Variants in GSK3B observed in about 807,000 individuals in gnomAD.
GSK3B encodes glycogen synthase kinase-3 beta.
A neutral mutation model predicts 56.4 loss-of-function variants in GSK3B; 15 were observed. The observed-to-expected ratio is 0.27, with a 90% CI of 0.18 to 0.41. GSK3B has a LOEUF of 0.41. GSK3B is among the 10% of genes least tolerant of loss of function. The probability of loss-of-function intolerance (pLI) is 1.00; values close to 1 mark genes in which losing one functional copy is unlikely to be tolerated. For missense variants in GSK3B, 300 were observed against 513.4 expected, an observed-to-expected ratio of 0.58 and a Z score of 4.02; for synonymous variants, 181 against 188.9, an observed-to-expected ratio of 0.96 and a Z score of 0.34.
At chr3:119,933,771 G>T (rs1033602228) in intron 3 of GSK3B, among the ~76,000 whole-genome samples, 2 of 152,184 alleles carry the variant, frequency 1.3e-5, no homozygotes, top group Non-Finnish European at 2.9e-5. Context: ...CAGCTATTTG[G>T]GAGGCCAAGG....
chr3:120,052,656 A>G (rs1215274775), intron 1 of GSK3B, among the ~76,000 whole-genome samples: 1 of 152,136 alleles, frequency 6.6e-6, no homozygotes, highest in Non-Finnish European at 1.5e-5. Flanking sequence ...TTCTCATTAC[A>G]CTCTCAGACA....
intron 9 of GSK3B, among the ~76,000 whole-genome samples, chr3:119,850,415 C>A (rs1577314625): frequency 6.6e-6 from 1 of 152,170 alleles, no homozygotes. Context: ...TCTGTTCAGT[C>A]TTCTCTACTT....
At chr3:119,829,745 C>G (rs1040005799) in intron 10 of GSK3B, among the ~76,000 whole-genome samples, 1 of 152,156 alleles carries the variant, frequency 6.6e-6, no homozygotes, top group Non-Finnish European at 1.5e-5. Context: ...AAAGCACAAG[C>G]CTTTTAAGTG....
intron 7 of GSK3B, among the ~76,000 whole-genome samples, chr3:119,894,843 T>C (rs983167672): frequency 3.3e-5 from 5 of 152,172 alleles, no homozygotes; most frequent in Admixed American, 2.0e-4. Context: ...TTTATATCTG[T>C]TTCCTTCTAA....
intron 10 of GSK3B, among the ~76,000 whole-genome samples, chr3:119,832,631 A>G (rs1450068623): frequency 6.6e-6 from 1 of 152,246 alleles, no homozygotes; most frequent in African/African-American, 2.4e-5. Context: ...AAAGGATTAT[A>G]TTAGATTTAA....
At position 119,863,220 on chromosome 3, in the gene GSK3B, G is replaced by A. The variant is rs571186594; in HGVS notation, c.1096+199C>T. Among the ~76,000 whole-genome samples the A allele has an allele frequency of 3.3e-5, 5 of 152,262 alleles. No individual in the cohort carries two copies. The East Asian group carries it at 9.6e-4, about 29-fold the overall frequency. ...AAAATTAAAGAAGCTATGTCTATTG[G>A]AAAACTTTTACGTGCTACTCTTCTG... On this transcript the variant is annotated intron_variant, in intron 9 of 10. Transcript: ENST00000264235.
At chr3:119,954,308 A>AAC (rs2057190595) in intron 2 of GSK3B, among the ~76,000 whole-genome samples, 3 of 125,154 alleles carry the variant, frequency 2.4e-5, no homozygotes, top group South Asian at 2.3e-4. Context: ...AGAATAGAAA[A>AAC]GAAACAGAAC....
intron 3 of GSK3B, among the ~76,000 whole-genome samples, 172 bp from the exon 4 acceptor site, chr3:119,923,655 A>G (rs2056865024): frequency 6.6e-6 from 1 of 152,250 alleles, no homozygotes; most frequent in African/African-American, 2.4e-5. Flanking sequence ...TAATAAAACA[A>G]GTCAACCACA....
chr3:120,041,267 T>C, intron 1 of GSK3B: 1 of 260,846 alleles, frequency 3.8e-6, no homozygotes, highest in East Asian at 1.0e-4. Context: ...TGGGCATCCC[T>C]GCAGCTAATT....
intron 8 of GSK3B, chr3:119,866,753 T>C: frequency 3.0e-6 from 2 of 655,946 alleles, no homozygotes; most frequent in Non-Finnish European, 5.4e-6. Context: ...ACATAGAAAA[T>C]GTTTATACAG....
chr3:119,942,052 C>T (rs1436819299), intron 3 of GSK3B, among the ~76,000 whole-genome samples: 1 of 152,166 alleles, frequency 6.6e-6, no homozygotes, highest in East Asian at 1.9e-4. Context: ...TGGATACAGG[C>T]CCCCATTACT....
At chr3:119,833,687 GTTGTTTTTTTTT>G (rs2055640034) in intron 10 of GSK3B, among the ~76,000 whole-genome samples, 1 of 133,448 alleles carries the variant, frequency 7.5e-6, no homozygotes, top group African/African-American at 2.9e-5. Flanking sequence ...GAAACATTAG[GTTGTTTTTTTTT>G]TTTTTTTTTT....
intron 7 of GSK3B, among the ~76,000 whole-genome samples, chr3:119,889,621 G>C (rs1309710815): frequency 6.6e-6 from 1 of 152,066 alleles, no homozygotes; most frequent in Non-Finnish European, 1.5e-5. Context: ...GGCAGTAAAA[G>C]AGGGGGAAAA....
At position 119,847,435 on chromosome 3, in the gene GSK3B, G is replaced by A. The variant is rs1036305122; in HGVS notation, c.1097-4082C>T. Among the ~76,000 whole-genome samples the A allele has an allele frequency of 3.9e-5, 6 of 152,044 alleles. 1 individual carries two copies. In the South Asian group the frequency reaches 1.0e-3, roughly 26 times the overall value. On this transcript the variant is annotated intron_variant, in intron 9 of 10. Coordinates refer to ENST00000264235, the MANE Select transcript of GSK3B (RefSeq NM_001146156.2). Reference sequence around the variant, plus strand: ...GCAGAGGTTGCAGTGAGCCAAGACCGTGCCATTGCACTTCAGCCTGGGCGA... The same window carrying A: ...GCAGAGGTTGCAGTGAGCCAAGACCATGCCATTGCACTTCAGCCTGGGCGA...
At position 119,825,071 on chromosome 3, in the gene GSK3B, C is replaced by A; in HGVS notation, c.*1717G>T. ...CTGCAGCCCTACAGTTACCAGCTAACCTTGGAAGGCATGTGGGGAAGGAGC... is the reference window on the plus strand; with the variant it reads ...CTGCAGCCCTACAGTTACCAGCTAAACTTGGAAGGCATGTGGGGAAGGAGC... On this transcript the variant is annotated 3_prime_UTR_variant, in exon 11 of 11. Transcript: ENST00000264235. The A allele has an allele frequency of 5.1e-6, 1 of 196,302 alleles. No individual in the cohort carries two copies. The highest frequency in any genetic ancestry group is 1.1e-5 in the Non-Finnish European group (1 of 94,612). 12.2% of individuals were successfully genotyped at this position (196,302 alleles called of 1,614,324 possible).
intron 1 of GSK3B, among the ~76,000 whole-genome samples, chr3:120,043,052 T>C (rs2058076021): frequency 6.6e-6 from 1 of 152,190 alleles, no homozygotes; most frequent in Non-Finnish European, 1.5e-5. Context: ...CTCTTTTTCT[T>C]AAAACCAAAG....
intron 8 of GSK3B, among the ~76,000 whole-genome samples, chr3:119,875,148 A>G (rs2056295820): frequency 6.6e-6 from 1 of 152,152 alleles, no homozygotes; most frequent in South Asian, 2.1e-4. Context: ...GTTACAACCT[A>G]TAATTCTGGC....
intron 1 of GSK3B, among the ~76,000 whole-genome samples, chr3:120,045,667 C>T (rs769493165): frequency 3.9e-5 from 6 of 152,204 alleles, no homozygotes; most frequent in Non-Finnish European, 5.9e-5. Context: ...CCACGAGACA[C>T]GCCCTTCTGC....
intron 7 of GSK3B, among the ~76,000 whole-genome samples, chr3:119,876,814 T>A (rs1172270315): frequency 1.3e-5 from 2 of 152,132 alleles, no homozygotes; most frequent in Non-Finnish European, 2.9e-5. Context: ...AGCAGGCTGG[T>A]TAGAAATGTA....
Sources: gnomAD v4.1 joint callset for allele counts (sites outside exome capture counted in the v4.1 genomes callset) on GRCh38, gnomAD v4.1.1 for gene constraint, MANE v1.5 for transcripts, NCBI Gene and HGNC (gene_info 2026-07-23, HGNC 2026-07-21) for gene names.